PCDHGA7: variants seen among roughly 807,000 people sequenced by gnomAD.
The protein encoded by PCDHGA7 is protocadherin gamma subfamily A, 7.
A neutral mutation model predicts 58.3 loss-of-function variants in PCDHGA7; 44 were observed. That is an observed-to-expected ratio of 0.75 (90% CI 0.59 to 0.97). The LOEUF is 0.97. Ranked by LOEUF, PCDHGA7 falls within the 50% of genes least tolerant of loss-of-function variation. PCDHGA7 has a pLI of 0.00. For missense variants in PCDHGA7, 1,266 were observed against 1,188.7 expected (o/e 1.06, Z -0.96); for synonymous variants, 516 against 504.2 (o/e 1.02, Z -0.31).
In PCDHGA7 at chr5:141,489,958, C is replaced by T; in HGVS notation, c.2425-4849C>T. 1 of 1,614,202 alleles carries T rather than the reference C, an allele frequency of 6.2e-7. No individual in the cohort carries two copies. The highest frequency in any genetic ancestry group is 8.5e-7 in the Non-Finnish European group (1 of 1,180,016). On this transcript the variant is annotated intron_variant, in intron 1 of 3. Transcript: ENST00000518325. This position sits in a 1 kb window ranked among gnomAD's most constrained non-coding sequence, Gnocchi z 4.5. ...CGTGCTGGACATCAATGATAATGCT[C>T]CAACCTTCCAATCCTCAGTTCTACG... is the stretch of plus-strand genomic sequence containing the variant.
Position 141,490,520 on chromosome 5 carries a change from G to A in PCDHGA7, c.2425-4287G>A. 1 of 1,614,072 alleles carries A rather than the reference G, an allele frequency of 6.2e-7. No individual in the cohort carries two copies. Among genetic ancestry groups the A allele is most frequent in the Non-Finnish European group, 8.5e-7 (1 of 1,180,014 alleles). ...CACTATATCATCGAGCTGCTGGCCAGCGATGCTGGTTCACCTTCCCTACAC... is the reference window on the plus strand; with the variant it reads ...CACTATATCATCGAGCTGCTGGCCAACGATGCTGGTTCACCTTCCCTACAC... On this transcript the variant is annotated intron_variant, in intron 1 of 3. Coordinates refer to ENST00000518325, the MANE Select transcript of PCDHGA7 (RefSeq NM_018920.4). The surrounding 1 kb of genome is among the most constrained non-coding windows in gnomAD (Gnocchi z 5.4).
At position 141,399,286 on chromosome 5, in the gene PCDHGA7, C is replaced by T; in HGVS notation, c.2424+13963C>T. 3.1e-6 allele frequency: 5 copies of T among 1,613,858 alleles called. No individual in the cohort carries two copies. In the South Asian group the frequency reaches 5.5e-5, roughly 18 times the overall value. ...TAATTGTCAATTACAAGGCGAAGTCCCTTTTAAGATTATCTCTTCATCCAA... is the reference window on the plus strand; with the variant it reads ...TAATTGTCAATTACAAGGCGAAGTCTCTTTTAAGATTATCTCTTCATCCAA... On this transcript the variant is annotated intron_variant, in intron 1 of 3. Transcript: ENST00000518325.
rs1446853595 is a variant in PCDHGA7 at position 141,491,363 on chromosome 5, C to A, written c.2425-3444C>A. The A allele has an allele frequency of 1.2e-6, 2 of 1,614,182 alleles. No homozygotes were observed. Among genetic ancestry groups the A allele is most frequent in the South Asian group, 2.2e-5 (2 of 91,082 alleles). On this transcript the variant is annotated intron_variant, in intron 1 of 3. Coordinates refer to ENST00000518325, the MANE Select transcript of PCDHGA7 (RefSeq NM_018920.4). The surrounding 1 kb of genome is among the most constrained non-coding windows in gnomAD (Gnocchi z 6.9). ...ACCGTCAGTCTCTTATCCCTAGTCA[C>A]CTTCACCTTTCTGTCAGCGAAGTGC...
At chr5:141,405,394 C>A (rs761584699) in intron 1 of PCDHGA7, 7 of 1,593,014 alleles carry the variant, frequency 4.4e-6, no homozygotes, top group Non-Finnish European at 6.0e-6. Context: ...CATTTTTTTT[C>A]TTTCTTTCTT....
rs1055042563 is a variant in PCDHGA7, at chr5:141,512,805, C to G, written c.*1632C>G. On this transcript the variant is annotated 3_prime_UTR_variant, in exon 4 of 4. Coordinates refer to ENST00000518325, the MANE Select transcript of PCDHGA7 (RefSeq NM_018920.4). ...TGTTGTGTTTTGTGCTGTGTCCACG[C>G]GCTAAGGCGACCCCCTCCCCCGTAC... 3.0e-4 allele frequency: 46 copies of G among 152,378 alleles called. No individual in the cohort carries two copies. Among genetic ancestry groups the G allele is most frequent in the African/African-American group, 9.9e-4 (41 of 41,570 alleles). The allele number at this position is 152,378 out of a possible 1,614,324, so 9.4% of individuals were successfully genotyped here.
intron 1 of PCDHGA7, chr5:141,403,105 C>G (rs1226095779): frequency 6.2e-7 from 1 of 1,614,056 alleles, no homozygotes; most frequent in East Asian, 2.2e-5. Context: ...TCTCCAAGGA[C>G]CTGGCTCTGG....
At chr5:141,396,934 G>A (rs1037377516) in intron 1 of PCDHGA7, among the ~76,000 whole-genome samples, 2 of 152,186 alleles carry the variant, frequency 1.3e-5, no homozygotes. Flanking sequence ...GATGAAAGTT[G>A]CCCTGGTAGG....
intron 1 of PCDHGA7, chr5:141,419,435 C>CGCACCT (rs2096383167): frequency 6.2e-7 from 1 of 1,613,108 alleles, no homozygotes; most frequent in Admixed American, 1.7e-5. Context: ...CGAGCAGCTG[C>CGCACCT]GCACCTTCGA....
rs61612330 is a variant in PCDHGA7, at chr5:141,454,796, A to ATTTTTTTTTTTTTTTTTTTTTTTTTT, written c.2425-40007_2425-39982dup. Among the ~76,000 whole-genome samples, 3 of 77,456 alleles carry ATTTTTTTTTTTTTTTTTTTTTTTTTT rather than the reference A, an allele frequency of 3.9e-5. 1 individual carries two copies. The highest frequency in any genetic ancestry group is 1.2e-4 in the African/African-American group (2 of 16,882). 50.8% of individuals were successfully genotyped at this position (77,456 alleles called of 152,430 possible). A position where few individuals can be genotyped will look rare whatever the true frequency, so the allele number is the denominator to read the frequency against. On this transcript the variant is annotated intron_variant, in intron 1 of 3. Transcript: ENST00000518325. Reference sequence around the variant, plus strand: ...AAGGAAATAATCCTCCATGGTTCTAATTTTTTTTTTTTTTTTTTTTTTTTT... The same window carrying ATTTTTTTTTTTTTTTTTTTTTTTTTT: ...AAGGAAATAATCCTCCATGGTTCTAATTTTTTTTTTTTTTTTTTTTTTTTTTTTTTTTTTTTTTTTTTTTTTTTTTT...
Position 141,489,101 on chromosome 5 carries a change from T to C in PCDHGA7, c.2425-5706T>C. The C allele has an allele frequency of 2.5e-6, 1 of 398,412 alleles. No homozygotes were observed. The highest frequency in any genetic ancestry group is 4.3e-5 in the South Asian group (1 of 23,096). The allele number at this position is 398,412 out of a possible 1,614,324, so 24.7% of individuals were successfully genotyped here. A position where few individuals can be genotyped will look rare whatever the true frequency, so the allele number is the denominator to read the frequency against. ...CCGCCACTCGGTGACTAAGAACTGC[T>C]GCAAGCAGGCAAACCTCCGAGCAGT... On this transcript the variant is annotated intron_variant, in intron 1 of 3. Coordinates refer to ENST00000518325, the MANE Select transcript of PCDHGA7 (RefSeq NM_018920.4). The surrounding 1 kb of genome is among the most constrained non-coding windows in gnomAD (Gnocchi z 4.5).
At chr5:141,447,027 T>TG (rs563674341) in intron 1 of PCDHGA7, among the ~76,000 whole-genome samples, 103 of 152,252 alleles carry the variant, frequency 6.8e-4, no homozygotes, top group South Asian at 2.3e-3. Flanking sequence ...TGTTTTGTTT[T>TG]TTTTCTGTGT....
intron 1 of PCDHGA7, chr5:141,416,686 T>C (rs1341005031): frequency 6.6e-6 from 1 of 152,244 alleles, no homozygotes; most frequent in African/African-American, 2.4e-5. Flanking sequence ...AGGGAAATTA[T>C]ATAAACAAAG....
intron 1 of PCDHGA7, chr5:141,399,976 CTGCGCACAGGAGAGG>C: frequency 1.2e-6 from 2 of 1,612,242 alleles, no homozygotes; most frequent in Non-Finnish European, 8.5e-7. Context: ...CAGCCTGGGG[CTGCGCACAGGAGAGG>C]TGCGCACAGC....
At chr5:141,488,519 G>C (rs1210943979) in intron 1 of PCDHGA7, among the ~76,000 whole-genome samples, 1 of 152,184 alleles carries the variant, frequency 6.6e-6, no homozygotes, top group Non-Finnish European at 1.5e-5. Flanking sequence ...GGGGTCTGGG[G>C]TGTCAGAAAA....
At chr5:141,494,648 T>G in intron 1 of PCDHGA7, 159 bp from the exon 2 acceptor site, 1 of 946,506 alleles carries the variant, frequency 1.1e-6, no homozygotes, top group Non-Finnish European at 1.3e-6. Flanking sequence ...ACCTGAGGTG[T>G]ATTTTGTCTT....
chr5:141,452,387 G>A (rs1052689230), intron 1 of PCDHGA7, among the ~76,000 whole-genome samples: 5 of 152,146 alleles, frequency 3.3e-5, no homozygotes, highest in African/African-American at 1.2e-4. Context: ...ATAGTATTTA[G>A]AAACTAAGAT....
chr5:141,387,740 C>T lies in PCDHGA7; in HGVS notation c.2424+2417C>T, dbSNP rs952205441. The T allele has an allele frequency of 3.8e-6, 5 of 1,328,736 alleles. No individual in the cohort carries two copies. In the African/African-American group the frequency reaches 5.9e-5, roughly 16 times the overall value. The allele number at this position is 1,328,736 out of a possible 1,614,324, so 82.3% of individuals were successfully genotyped here. ...GACTCCCCAGCGCCAGCCTTTACAC[C>T]GCTTCCTCCTCGGAAAAAGAAGAAT... On this transcript the variant is annotated intron_variant, in intron 1 of 3. Coordinates refer to ENST00000518325, the MANE Select transcript of PCDHGA7 (RefSeq NM_018920.4).
intron 1 of PCDHGA7, chr5:141,393,114 C>T (rs750579370): frequency 1.9e-6 from 3 of 1,613,418 alleles, no homozygotes; most frequent in Non-Finnish European, 8.5e-7. Context: ...TCAGAGCCCG[C>T]GGTGTCTGAT....
Position 141,415,576 on chromosome 5 carries a change from T to C in PCDHGA7, c.2424+30253T>C, listed in dbSNP as rs182127695. 9.5e-5 allele frequency: 153 copies of C among 1,614,182 alleles called. No individual in the cohort carries two copies. The Admixed American group carries it at 1.6e-3, about 17-fold the overall frequency. Reference sequence around the variant, plus strand: ...CGATCCTTTGTCTTTGTTAGATGATTCGAAGTTTCCTATAGAGGATACCCC... The same window carrying C: ...CGATCCTTTGTCTTTGTTAGATGATCCGAAGTTTCCTATAGAGGATACCCC... On this transcript the variant is annotated intron_variant, in intron 1 of 3. Transcript: ENST00000518325.
Sources: gnomAD v4.1 joint callset for allele counts (sites outside exome capture counted in the v4.1 genomes callset) on GRCh38, gnomAD v4.1.1 for gene constraint, Gnocchi (gnomAD v3.1) non-coding constraint, MANE v1.5 for transcripts, NCBI Gene and HGNC (gene_info 2026-07-23, HGNC 2026-07-21) for gene names.